ROBO2: variants seen among roughly 807,000 people sequenced by gnomAD.
ROBO2 encodes the protein roundabout homolog 2.
ROBO2 carries 53 observed loss-of-function variants against 160.8 expected under a neutral mutation model. That is an observed-to-expected ratio of 0.33 (90% CI 0.26 to 0.41). ROBO2 has a LOEUF of 0.41. ROBO2 is among the 10% of genes least tolerant of loss of function. ROBO2 has a pLI of 1.00. For synonymous variants in ROBO2, 664 were observed against 611.7 expected (o/e 1.09, Z -1.26); for missense variants, 1,577 against 1,722.4 (o/e 0.92, Z 1.49).
intron 1 of ROBO2, among the ~76,000 whole-genome samples, chr3:77,093,284 C>T (rs1467936375): frequency 6.6e-6 from 1 of 152,138 alleles, no homozygotes; most frequent in South Asian, 2.1e-4. Context: ...GAGGGGCTCA[C>T]ACTTTAGATG....
chr3:76,109,492 G>A (rs144167921), intron 2 of ROBO2, among the ~76,000 whole-genome samples: 127 of 152,050 alleles, frequency 8.4e-4, no homozygotes, highest in African/African-American at 2.7e-3. Context: ...AGCTTCTTCT[G>A]CAGACACCTT....
intron 20 of ROBO2, chr3:77,603,993 G>A (rs1470063660): frequency 2.0e-5 from 3 of 152,050 alleles, no homozygotes; most frequent in African/African-American, 7.2e-5. Context: ...CATGTCACAG[G>A]CTACCAAGCA....
intron 2 of ROBO2, among the ~76,000 whole-genome samples, chr3:76,692,579 A>G (rs1053507509): frequency 6.6e-6 from 1 of 152,100 alleles, no homozygotes; most frequent in African/African-American, 2.4e-5. Context: ...GAGATGATCA[A>G]TTGACTGACT....
At chr3:76,048,175 G>A (rs1388116987) in intron 2 of ROBO2, among the ~76,000 whole-genome samples, 1 of 152,048 alleles carries the variant, frequency 6.6e-6, no homozygotes, top group African/African-American at 2.4e-5. Flanking sequence ...CCGTAGGTGG[G>A]CAGGTTTTTT....
At chr3:77,332,135 A>T (rs2153443140) in intron 2 of ROBO2, among the ~76,000 whole-genome samples, 1 of 152,376 alleles carries the variant, frequency 6.6e-6, no homozygotes, top group East Asian at 1.9e-4. Context: ...ATGTCTATTC[A>T]GATAACGATT....
At chr3:77,158,059 T>G (rs2078168652) in intron 2 of ROBO2, among the ~76,000 whole-genome samples, 1 of 152,122 alleles carries the variant, frequency 6.6e-6, no homozygotes, top group Non-Finnish European at 1.5e-5. Flanking sequence ...GTCTAGTCCC[T>G]AAACACAGTC....
chr3:77,262,584 T>C (rs1353826338), intron 2 of ROBO2, among the ~76,000 whole-genome samples: 1 of 151,988 alleles, frequency 6.6e-6, no homozygotes, highest in Non-Finnish European at 1.5e-5. Context: ...CAGCTTCAAG[T>C]TGAACCTGAA....
At chr3:77,042,047 C>CA (rs2064152430) in intron 1 of ROBO2, among the ~76,000 whole-genome samples, 1 of 152,074 alleles carries the variant, frequency 6.6e-6, no homozygotes, top group South Asian at 2.1e-4. Context: ...GTATTGGACT[C>CA]AAAAAGGAAG....
At chr3:77,024,652 GA>G (rs2062847654) in intron 2 of ROBO2, among the ~76,000 whole-genome samples, 1 of 152,172 alleles carries the variant, frequency 6.6e-6, no homozygotes, top group Non-Finnish European at 1.5e-5. Flanking sequence ...AAGAGTTGGA[GA>G]TTTGGAGACT....
At chr3:77,410,646 T>TCC (rs2076679061) in intron 2 of ROBO2, among the ~76,000 whole-genome samples, 1 of 112,280 alleles carries the variant, frequency 8.9e-6, no homozygotes, top group Admixed American at 9.0e-5. Context: ...CTGCTCCTCT[T>TCC]TCTCCTCCTC....
At chr3:76,322,827 T>C (rs2072679542) in intron 2 of ROBO2, among the ~76,000 whole-genome samples, 1 of 152,152 alleles carries the variant, frequency 6.6e-6, no homozygotes, top group African/African-American at 2.4e-5. Flanking sequence ...TTCTTATCCA[T>C]ATCTTGCAGA....
chr3:76,869,432 C>T (rs2071768077), intron 2 of ROBO2, among the ~76,000 whole-genome samples: 1 of 138,528 alleles, frequency 7.2e-6, no homozygotes, highest in African/African-American at 2.8e-5. Flanking sequence ...TCACTGCAAG[C>T]TCCGCCTCCC....
At chr3:76,344,843 A>G (rs2108217631) in intron 2 of ROBO2, among the ~76,000 whole-genome samples, 1 of 152,320 alleles carries the variant, frequency 6.6e-6, no homozygotes, top group South Asian at 2.1e-4. Flanking sequence ...GACTGTGGAC[A>G]AAATGTATAT....
chr3:76,151,339 A>G (rs979593139), intron 2 of ROBO2, among the ~76,000 whole-genome samples: 1 of 152,026 alleles, frequency 6.6e-6, no homozygotes, highest in Admixed American at 6.6e-5. Flanking sequence ...CTAAAATGGG[A>G]TACATATAAT....
intron 2 of ROBO2, among the ~76,000 whole-genome samples, chr3:76,822,050 A>T (rs2066168009): frequency 6.6e-6 from 1 of 152,008 alleles, no homozygotes; most frequent in Non-Finnish European, 1.5e-5. Context: ...GGTGGTATTT[A>T]TGAGATAAAT....
chr3:76,161,121 C>G (rs569563570), intron 2 of ROBO2, among the ~76,000 whole-genome samples: 1 of 151,788 alleles, frequency 6.6e-6, no homozygotes, highest in African/African-American at 2.4e-5. Flanking sequence ...AATTCAATTC[C>G]TTTTTTGGGT....
chr3:77,107,234 T>A (rs1560023424), intron 2 of ROBO2, among the ~76,000 whole-genome samples: 1 of 152,136 alleles, frequency 6.6e-6, no homozygotes, highest in Non-Finnish European at 1.5e-5. Context: ...GACATCACCT[T>A]CAGGGATAAG....
chr3:77,266,930 A>G (rs958333915), intron 2 of ROBO2, among the ~76,000 whole-genome samples: 1 of 152,168 alleles, frequency 6.6e-6, no homozygotes, highest in African/African-American at 2.4e-5. Context: ...GATTTTTTCA[A>G]GCTTTCCATT....
intron 2 of ROBO2, among the ~76,000 whole-genome samples, chr3:75,953,641 A>T (rs1404742996): frequency 6.6e-6 from 1 of 151,840 alleles, no homozygotes; most frequent in Non-Finnish European, 1.5e-5. Context: ...ATTTCACATG[A>T]CTTAATATTC....
Sources: allele counts gnomAD v4.1 joint callset (sites outside exome capture counted in the v4.1 genomes callset), GRCh38; gene constraint gnomAD v4.1.1; transcripts MANE v1.5; gene names NCBI Gene and HGNC (gene_info 2026-07-23, HGNC 2026-07-21).